UVRAG: variants seen among roughly 807,000 people sequenced by gnomAD.
The protein encoded by UVRAG is UV radiation resistance-associated gene protein.
A neutral mutation model predicts 78.0 loss-of-function variants in UVRAG; 19 were observed. That is an observed-to-expected ratio of 0.24 (90% CI 0.17 to 0.36). UVRAG has a LOEUF of 0.36. UVRAG is among the 10% of genes least tolerant of loss of function. The probability of loss-of-function intolerance (pLI) is 1.00; values close to 1 mark genes in which losing one functional copy is unlikely to be tolerated. For missense variants in UVRAG, 740 were observed against 853.8 expected, an observed-to-expected ratio of 0.87 and a Z score of 1.66; for synonymous variants, 323 against 324.6, an observed-to-expected ratio of 1.00 and a Z score of 0.05.
chr11:75,877,487 G>A (rs1946817707), intron 3 of UVRAG, among the ~76,000 whole-genome samples: 1 of 147,690 alleles, frequency 6.8e-6, no homozygotes, highest in South Asian at 2.2e-4. Flanking sequence ...CCTCCCGGAC[G>A]GGGCGGCTGG....
chr11:76,001,046 G>C (rs964913861), intron 8 of UVRAG, among the ~76,000 whole-genome samples: 7 of 152,150 alleles, frequency 4.6e-5, no homozygotes, highest in African/African-American at 1.7e-4. Flanking sequence ...AGCAGAATCT[G>C]CATTTCTTTC....
At chr11:75,901,886 T>A (rs183304110) in intron 5 of UVRAG, among the ~76,000 whole-genome samples, 1 of 151,974 alleles carries the variant, frequency 6.6e-6, no homozygotes, top group East Asian at 1.9e-4. Flanking sequence ...TTCTGTGATA[T>A]ACCTCTTAAG....
At chr11:76,051,394 T>TA (rs939356104) in intron 12 of UVRAG, among the ~76,000 whole-genome samples, 1 of 152,126 alleles carries the variant, frequency 6.6e-6, no homozygotes, top group Non-Finnish European at 1.5e-5. Flanking sequence ...AATTGACTAT[T>TA]AAAAAAAGAC....
intron 12 of UVRAG, among the ~76,000 whole-genome samples, chr11:76,063,105 T>C (rs986660178): frequency 5.3e-5 from 8 of 152,198 alleles, no homozygotes; most frequent in Admixed American, 5.2e-4. Flanking sequence ...AATAATCTTT[T>C]TTAAAAAAAA....
intron 13 of UVRAG, among the ~76,000 whole-genome samples, chr11:76,093,906 G>A (rs1235400427): frequency 6.6e-6 from 1 of 152,186 alleles, no homozygotes; most frequent in African/African-American, 2.4e-5. Context: ...TTGAATAGGA[G>A]TGGTGAGAGA....
chr11:76,078,186 A>C (rs1159155646), intron 13 of UVRAG, among the ~76,000 whole-genome samples: 1 of 152,188 alleles, frequency 6.6e-6, no homozygotes, highest in Non-Finnish European at 1.5e-5. Flanking sequence ...GCTTAGGTGT[A>C]AGCTCTTTAA....
intron 14 of UVRAG, among the ~76,000 whole-genome samples, chr11:76,121,309 C>T (rs894431775): frequency 2.0e-5 from 3 of 152,184 alleles, no homozygotes; most frequent in Non-Finnish European, 4.4e-5. Flanking sequence ...CCCATTTTTT[C>T]ATCCTAAGAT....
In UVRAG at chr11:76,026,337, C is replaced by G. The variant is rs114533885; in HGVS notation, c.1226+9357C>G. 9.9e-3 allele frequency among the ~76,000 whole-genome samples: 1,511 copies of G among 152,224 alleles called. 21 individuals carry two copies. The highest frequency in any genetic ancestry group is 0.035 in the African/African-American group (1,451 of 41,570). The stretch of plus-strand genomic sequence containing the variant: ...GGCATACTTAAACACCTGTTGACAA[C>G]ATCTTATATTAAGAATTACATATTC... On this transcript the variant is annotated intron_variant, in intron 12 of 14. Transcript: ENST00000356136.
chr11:76,087,250 A>G (rs1951604032), intron 13 of UVRAG, among the ~76,000 whole-genome samples: 1 of 152,248 alleles, frequency 6.6e-6, no homozygotes, highest in Non-Finnish European at 1.5e-5. Flanking sequence ...TAATTCCTGC[A>G]TGATATTCTG....
At chr11:76,032,871 A>G (rs1007369554) in intron 12 of UVRAG, among the ~76,000 whole-genome samples, 2 of 152,222 alleles carry the variant, frequency 1.3e-5, no homozygotes, top group Non-Finnish European at 1.5e-5. Flanking sequence ...ACACTGCTGA[A>G]CAGTTAACAT....
intron 14 of UVRAG, among the ~76,000 whole-genome samples, chr11:76,130,019 T>C (rs772360356): frequency 2.6e-5 from 4 of 152,180 alleles, no homozygotes; most frequent in African/African-American, 7.2e-5. Context: ...GTCCAGACTT[T>C]GTTTTCCTCC....
Position 76,003,983 on chromosome 11 carries a change from A to G in UVRAG, c.827-22A>G, listed in dbSNP as rs151199615. The G allele has an allele frequency of 5.6e-6, 9 of 1,608,056 alleles. No homozygotes were observed. In the African/African-American group the frequency reaches 1.2e-4, roughly 21 times the overall value. ...GTAATCCTATGTTACATATGGAATT[A>G]TCTCCTTCCTTTTCTTTCTAGGAAG... On this transcript the variant is annotated intron_variant, in intron 8 of 14. Coordinates refer to ENST00000356136, the MANE Select transcript of UVRAG (RefSeq NM_003369.4).
chr11:75,911,863 TG>T, intron 5 of UVRAG, 90 bp from the exon 6 acceptor site: 1 of 861,872 alleles, frequency 1.2e-6, no homozygotes, highest in Middle Eastern at 3.1e-4. Context: ...GTTGTTAATA[TG>T]TCATATTTTT....
intron 12 of UVRAG, among the ~76,000 whole-genome samples, chr11:76,039,182 C>T (rs1471276724): frequency 1.3e-5 from 2 of 152,106 alleles, no homozygotes; most frequent in African/African-American, 4.8e-5. Context: ...TAACAGCACC[C>T]ACTTCATAGG....
At chr11:76,133,513 G>A (rs1375506474) in intron 14 of UVRAG, among the ~76,000 whole-genome samples, 1 of 152,192 alleles carries the variant, frequency 6.6e-6, no homozygotes, top group Non-Finnish European at 1.5e-5. Flanking sequence ...GTGGAGTAGA[G>A]GAAACTGGGC....
chr11:75,988,980 A>C (rs1949553005), intron 8 of UVRAG, among the ~76,000 whole-genome samples: 1 of 152,138 alleles, frequency 6.6e-6, no homozygotes, highest in African/African-American at 2.4e-5. Flanking sequence ...TATGTTCTTT[A>C]TCAAATATAC....
chr11:76,051,413 C>T (rs1027490133), intron 12 of UVRAG, among the ~76,000 whole-genome samples: 9 of 152,028 alleles, frequency 5.9e-5, no homozygotes, highest in African/African-American at 2.2e-4. Flanking sequence ...ACATGGTTTC[C>T]ATCCTTTAAT....
intron 6 of UVRAG, among the ~76,000 whole-genome samples, chr11:75,912,618 A>G (rs980383480): frequency 6.6e-6 from 1 of 152,252 alleles, no homozygotes; most frequent in African/African-American, 2.4e-5. Context: ...GGAGCAAGCC[A>G]CCAAAATAAA....
chr11:75,815,434 C>T lies in UVRAG; in HGVS notation c.27C>T (p.Gly9=), dbSNP rs1206637173. The T allele has an allele frequency of 2.4e-6, 3 of 1,248,374 alleles. No homozygotes were observed. The highest frequency in any genetic ancestry group is 3.2e-5 in the South Asian group (1 of 31,280). The allele number at this position is 1,248,374 out of a possible 1,614,324, so 77.3% of individuals were successfully genotyped here. Residue 9 remains glycine (G), a synonymous_variant, in exon 1 of 15, where the codon GGC becomes GGT. Coordinates refer to ENST00000356136, the MANE Select transcript of UVRAG (RefSeq NM_003369.4). MSASASVG[G]PVPQPPPGPA... ...TGAGCGCCTCCGCGTCGGTCGGGGGCCCCGTCCCCCAGCCACCCCCGGGCC... is the reference window on the plus strand; with the variant it reads ...TGAGCGCCTCCGCGTCGGTCGGGGGTCCCGTCCCCCAGCCACCCCCGGGCC...
Sources: allele counts gnomAD v4.1 joint callset (sites outside exome capture counted in the v4.1 genomes callset), GRCh38; gene constraint gnomAD v4.1.1; transcripts MANE v1.5; gene names NCBI Gene and HGNC (gene_info 2026-07-23, HGNC 2026-07-21).